Variants in CELF3 observed in about 807,000 individuals in gnomAD.
The protein encoded by CELF3 is CAG repeat domain.
Under a neutral mutation model 59.6 loss-of-function variants are expected in CELF3, and 26 were observed. The ratio of observed to expected loss-of-function variants is 0.44; its 90% confidence interval spans 0.32 to 0.61. CELF3 has a LOEUF of 0.61. Ranked by LOEUF, CELF3 falls within the 20% of genes least tolerant of loss-of-function variation. CELF3 has a pLI of 0.06. For missense variants in CELF3, 387 were observed against 627.2 expected (o/e 0.62, Z 4.09); for synonymous variants, 245 against 250.7 (o/e 0.98, Z 0.22).
Position 151,709,261 on chromosome 1 carries a change from T to G in CELF3, c.365A>C (p.Asp122Ala), listed in dbSNP as rs1383809269. ...TGGCCCCCGGAGCACAGTGCACTCGTCGATGGTCCCGAAGGGCTCAAACAT... is the reference window on the plus strand; with the variant it reads ...TGGCCCCCGGAGCACAGTGCACTCGGCGATGGTCCCGAAGGGCTCAAACAT... ...RKMFEPFGTI[D>A]ECTVLRGPDG... Residue 122 changes from aspartate to alanine, a missense_variant, in exon 4 of 13, where the codon GAC becomes GCC. Asp to Ala is a moderately radical substitution (Grantham distance 126). Around this residue, in one of 3 missense-constraint regions of CELF3, gnomAD observed 208 missense variants for 354.8 expected, o/e 0.59. Coordinates refer to ENST00000290583, the MANE Select transcript of CELF3 (RefSeq NM_007185.7). This position sits in a 1 kb window ranked among gnomAD's most constrained non-coding sequence, Gnocchi z 4.9. The G allele has an allele frequency of 6.2e-7, 1 of 1,613,930 alleles. No homozygotes were observed. The highest frequency in any genetic ancestry group is 8.5e-7 in the Non-Finnish European group (1 of 1,179,976).
Position 151,703,164 on chromosome 1 carries a change from C to T in CELF3, c.*295G>A, listed in dbSNP as rs916184441. The T allele has an allele frequency of 3.5e-5, 16 of 460,708 alleles. No individual in the cohort carries two copies. The Admixed American group carries it at 3.5e-4, about 10-fold the overall frequency. 28.5% of individuals were successfully genotyped at this position (460,708 alleles called of 1,614,324 possible). On this transcript the variant is annotated 3_prime_UTR_variant, in exon 13 of 13. Coordinates refer to ENST00000290583, the MANE Select transcript of CELF3 (RefSeq NM_007185.7). ...GGGTACAGAAGGCCTGTCACAGGAG[C>T]CCAGCAGAAGGCAGATACCCCGGAG...
intron 1 of CELF3, 116 bp downstream of exon 1, chr1:151,715,760 G>A: frequency 6.3e-7 from 1 of 1,596,854 alleles, no homozygotes; most frequent in Non-Finnish European, 8.5e-7. Context: ...CCTCAGGCCT[G>A]AACTCTTCTC....
intron 1 of CELF3, 108 bp downstream of exon 1, chr1:151,715,768 C>G (rs2044398024): frequency 6.3e-7 from 1 of 1,596,874 alleles, no homozygotes; most frequent in Non-Finnish European, 8.5e-7. Context: ...CTGAACTCTT[C>G]TCCTTCCACA....
chr1:151,701,200 G>A lies in CELF3; in HGVS notation c.*2259C>T, dbSNP rs1411339810. 1 of 152,232 alleles carries A rather than the reference G, an allele frequency of 6.6e-6. No individual in the cohort carries two copies. Among genetic ancestry groups the A allele is most frequent in the East Asian group, 1.9e-4 (1 of 5,194 alleles). 9.4% of individuals were successfully genotyped at this position (152,232 alleles called of 1,614,324 possible). A position where few individuals can be genotyped will look rare whatever the true frequency, so the allele number is the denominator to read the frequency against. On this transcript the variant is annotated 3_prime_UTR_variant, in exon 13 of 13. Transcript: ENST00000290583. ...GGTAGGGCTTTGCAGTTGGATTGGG[G>A]AGGAGACATGAGAGAAAGGGTGTAA...
rs1171390187 is a variant in CELF3 at position 151,700,991 on chromosome 1, T to C, written c.*2468A>G. ...ACAGTGCTGGACAAAGCAGACTGGG[T>C]AGTAAATGTTGGTGAATTAACTTTT... On this transcript the variant is annotated 3_prime_UTR_variant, in exon 13 of 13. Coordinates refer to ENST00000290583, the MANE Select transcript of CELF3 (RefSeq NM_007185.7). 1.3e-5 allele frequency: 2 copies of C among 152,244 alleles called. No homozygotes were observed. Among genetic ancestry groups the C allele is most frequent in the Non-Finnish European group, 2.9e-5 (2 of 68,058 alleles). The allele number at this position is 152,244 out of a possible 1,614,324, so 9.4% of individuals were successfully genotyped here.
At chr1:151,710,844 G>C (rs1170078744) in intron 2 of CELF3, 1 of 456,430 alleles carries the variant, frequency 2.2e-6, no homozygotes. Context: ...ACTCCTGCAG[G>C]TTGATTTTCT....
chr1:151,707,010 T>C, intron 8 of CELF3, 135 bp downstream of exon 8: 1 of 1,097,680 alleles, frequency 9.1e-7, no homozygotes, highest in Non-Finnish European at 1.3e-6. Flanking sequence ...GGAAGGATCA[T>C]CCCCGCCCAG....
In CELF3 at chr1:151,702,625, A is replaced by T; in HGVS notation, c.*834T>A. ...ACCCCTCCCCACACCCCTCCTCCCA[A>T]TACCCAATTACCCCCCAAAGCAAAG... On this transcript the variant is annotated 3_prime_UTR_variant, in exon 13 of 13. Transcript: ENST00000290583. 6.9e-6 allele frequency: 1 copy of T among 145,382 alleles called. No individual in the cohort carries two copies. The highest frequency in any genetic ancestry group is 1.5e-5 in the Non-Finnish European group (1 of 67,044). The allele number at this position is 145,382 out of a possible 1,614,324, so 9.0% of individuals were successfully genotyped here.
rs776056154 is a variant in CELF3 at position 151,715,865 on chromosome 1, C to T, written c.145+11G>A. 19 of 1,608,614 alleles carry T rather than the reference C, an allele frequency of 1.2e-5. No individual in the cohort carries two copies. Among genetic ancestry groups the T allele is most frequent in the Middle Eastern group, 1.7e-4 (1 of 6,060 alleles). On this transcript the variant is annotated intron_variant, in intron 1 of 12. Coordinates refer to ENST00000290583, the MANE Select transcript of CELF3 (RefSeq NM_007185.7). The stretch of plus-strand genomic sequence containing the variant: ...CACCCCGAAGCCTCTTCAGCCTGCC[C>T]GACCCCTCACCCTTGTGCAGCCCGG...
chr1:151,704,182 G>A lies in CELF3; in HGVS notation c.*11-734C>T, dbSNP rs377404835. Among the ~76,000 whole-genome samples, 32 of 152,190 alleles carry A rather than the reference G, an allele frequency of 2.1e-4. No homozygotes were observed. The East Asian group carries it at 2.9e-3, about 14-fold the overall frequency. On this transcript the variant is annotated intron_variant, in intron 12 of 12. Transcript: ENST00000290583. ...GGGGGCTTCGGCCGACAATGGACAC[G>A]GGCCCTGGGCTGGGGGGGCCCCCAG...
intron 1 of CELF3, 26 bp downstream of exon 1, chr1:151,715,850 C>A (rs1673437752): frequency 1.2e-6 from 2 of 1,603,758 alleles, no homozygotes; most frequent in African/African-American, 1.3e-5. Flanking sequence ...CACCCCGAAG[C>A]CTCTTCAGCC....
intron 10 of CELF3, 121 bp downstream of exon 10, chr1:151,706,103 A>T: frequency 3.1e-6 from 5 of 1,594,402 alleles, no homozygotes; most frequent in Non-Finnish European, 4.3e-6. Context: ...GTCTCCGGCC[A>T]CTCCCTCCCC....
In CELF3 at chr1:151,709,228, G is replaced by C; in HGVS notation, c.398C>G (p.Thr133Ser). The C allele has an allele frequency of 6.2e-7, 1 of 1,613,872 alleles. No homozygotes were observed. The highest frequency in any genetic ancestry group is 8.5e-7 in the Non-Finnish European group (1 of 1,179,804). ...GGAAGTGGGTGGACTACCTTTGCTG[G>C]TGCCATCTGGCCCCCGGAGCACAGT... The part of the protein sequence containing the change: ...ECTVLRGPDG[T>S]SKGCAFVKFQ... The change falls in exon 4 of 13, where the codon ACC (threonine) becomes AGC (serine). Residue 133 changes from threonine (T) to serine (S), a missense_variant. By Grantham distance (58) the Thr-to-Ser change is moderately conservative. Around this residue, in one of 3 missense-constraint regions of CELF3, gnomAD observed 208 missense variants for 354.8 expected, o/e 0.59. Transcript: ENST00000290583. The surrounding 1 kb of genome is among the most constrained non-coding windows in gnomAD (Gnocchi z 4.9).
At chr1:151,703,703 G>T (rs756922963) in intron 12 of CELF3, among the ~76,000 whole-genome samples, 102 of 152,014 alleles carry the variant, frequency 6.7e-4, no homozygotes, top group Non-Finnish European at 1.2e-4. Flanking sequence ...GAAATAGATA[G>T]CCCATGAGAA....
In CELF3 at chr1:151,709,034, C is replaced by T. The variant is rs139969209; in HGVS notation, c.450G>A (p.Ala150=). ...GGCTGCTGTGAAGGGTGTTGATGGC[C>T]GCCTGGGCCTCAGCGTGGGTCTGGA... ...VKFQTHAEAQ[A]AINTLHSSRT... is the part of the protein sequence containing the mutation. The change falls in exon 5 of 13, where the codon GCG becomes GCA. Residue 150 remains alanine (A), a synonymous_variant. Coordinates refer to ENST00000290583, the MANE Select transcript of CELF3 (RefSeq NM_007185.7). This position sits in a 1 kb window ranked among gnomAD's most constrained non-coding sequence, Gnocchi z 4.9. 456 of 1,613,846 alleles carry T rather than the reference C, an allele frequency of 2.8e-4. 4 individuals carry two copies. Among genetic ancestry groups the T allele is most frequent in the East Asian group, 5.8e-4 (26 of 44,888 alleles).
intron 2 of CELF3, chr1:151,711,447 C>T (rs1285974597): frequency 1.3e-5 from 2 of 151,284 alleles, no homozygotes; most frequent in African/African-American, 2.4e-5. Flanking sequence ...GGCCCCACCC[C>T]CGCCCCCCAA....
rs932680410 is a variant in CELF3, at chr1:151,703,310, C to A, written c.*149G>T. On this transcript the variant is annotated 3_prime_UTR_variant, in exon 13 of 13. Transcript: ENST00000290583. ...AGAGAGGCAGGGGGGTGGGAGGGGCCGGTGTCTTGTGCCCCCGGGGGCCAC... is the reference window on the plus strand; with the variant it reads ...AGAGAGGCAGGGGGGTGGGAGGGGCAGGTGTCTTGTGCCCCCGGGGGCCAC... 1 of 455,338 alleles carries A rather than the reference C, an allele frequency of 2.2e-6. No homozygotes were observed. The highest frequency in any genetic ancestry group is 4.4e-6 in the Non-Finnish European group (1 of 226,300). The allele number at this position is 455,338 out of a possible 1,614,324, so 28.2% of individuals were successfully genotyped here.
chr1:151,706,555 A>C (rs1672560235), intron 9 of CELF3, 114 bp downstream of exon 9: 1 of 1,297,046 alleles, frequency 7.7e-7, no homozygotes, highest in Non-Finnish European at 1.1e-6. Flanking sequence ...CTTGTCAGTA[A>C]AGCCTGAAGA....
chr1:151,707,944 G>A lies in CELF3; in HGVS notation c.487-9C>T, dbSNP rs932211846. On this transcript the variant is annotated splice_polypyrimidine_tract_variant and intron_variant, in intron 5 of 12. Transcript: ENST00000290583. ...AGGCTGGACGAGGCACCCTGGGCAC[G>A]GGCCCACACACAGGTCAGAGGTGCA... is the stretch of plus-strand genomic sequence containing the variant. The A allele has an allele frequency of 3.7e-6, 6 of 1,607,824 alleles. No individual in the cohort carries two copies. The highest frequency in any genetic ancestry group is 4.3e-6 in the Non-Finnish European group (5 of 1,175,994).
Sources: gnomAD v4.1 joint callset for allele counts (sites outside exome capture counted in the v4.1 genomes callset) on GRCh38, gnomAD v4.1.1 for gene constraint, gnomAD v4.1.1 regional missense constraint, Gnocchi (gnomAD v3.1) non-coding constraint, MANE v1.5 for transcripts, NCBI Gene and HGNC (gene_info 2026-07-23, HGNC 2026-07-21) for gene names.